Variants in GLRA2 observed in about 807,000 individuals in gnomAD.
The protein encoded by GLRA2 is glycine receptor alpha 2, also known as glycine receptor subunit alpha-2.
A neutral mutation model predicts 31.6 loss-of-function variants in GLRA2; 11 were observed. The ratio of observed to expected loss-of-function variants is 0.35; its 90% CI spans 0.22 to 0.58. The LOEUF (loss-of-function observed/expected upper bound fraction) is 0.58. Ranked by LOEUF, GLRA2 falls within the 20% of genes least tolerant of loss-of-function variation. The probability of loss-of-function intolerance (pLI) is 0.84; values close to 1 mark genes in which losing one functional copy is unlikely to be tolerated. For missense variants in GLRA2, 212 were observed against 351.8 expected, an observed-to-expected ratio of 0.60 and a Z score of 3.18; for synonymous variants, 132 against 134.0, an observed-to-expected ratio of 0.99 and a Z score of 0.10.
At chrX:14,636,313 G>A (rs2090709798) in intron 7 of GLRA2, among the ~76,000 whole-genome samples, 1 of 111,363 alleles carries the variant, frequency 9.0e-6, no homozygotes, top group Admixed American at 9.6e-5. Flanking sequence ...CTTTACAGTA[G>A]AGAAACCTGA....
rs752277224 is a variant in GLRA2 at position 14,728,072 on chromosome X, G to A, written c.1081-2135G>A. Among the ~76,000 whole-genome samples the A allele has an allele frequency of 1.2e-4, 14 of 112,321 alleles. No homozygotes were observed. The East Asian group carries it at 3.9e-3, about 31-fold the overall frequency. ...AAGTATGGAAAGATGGCTTTATAAA[G>A]TAGTAGTTTTATAGTTACTTTTTAA... On this transcript the variant is annotated intron_variant, in intron 8 of 8. Transcript: ENST00000218075.
the GLRA2 span, among the ~76,000 whole-genome samples, chrX:14,483,224 T>A: frequency 1.8e-5 from 2 of 111,828 alleles, no homozygotes; most frequent in Non-Finnish European, 3.8e-5. Flanking sequence ...AGCTCTCTCT[T>A]GTCACGCACC....
chrX:14,498,946 A>G, the GLRA2 span, among the ~76,000 whole-genome samples: 1 of 112,289 alleles, frequency 8.9e-6, no homozygotes, highest in Non-Finnish European at 1.9e-5. Context: ...ACAGGATTTC[A>G]TGCTTTTATG....
At chrX:14,721,994 T>A (rs1569527219) in intron 8 of GLRA2, among the ~76,000 whole-genome samples, 3 of 111,987 alleles carry the variant, frequency 2.7e-5, no homozygotes, top group Admixed American at 1.9e-4. Flanking sequence ...TCCAACAACC[T>A]CCTTGAGGGC....
At chrX:14,554,126 G>A (rs954516479) in intron 2 of GLRA2, among the ~76,000 whole-genome samples, 2 of 112,250 alleles carry the variant, frequency 1.8e-5, no homozygotes, top group Admixed American at 9.4e-5. Flanking sequence ...CTACGTAAGT[G>A]CTGGGAGCCT....
the GLRA2 span, among the ~76,000 whole-genome samples, chrX:14,460,514 G>A: frequency 8.9e-6 from 1 of 111,748 alleles, no homozygotes; most frequent in East Asian, 2.8e-4. Context: ...GGCTGTTTTG[G>A]TTGGTTGGCT....
At chrX:14,710,386 A>G (rs760046921) in intron 8 of GLRA2, among the ~76,000 whole-genome samples, 41 of 112,239 alleles carry the variant, frequency 3.7e-4, no homozygotes, top group Non-Finnish European at 6.9e-4. Context: ...TCAAAACAAT[A>G]TAATAAAGAC....
chrX:14,634,276 G>C (rs1422598408), intron 7 of GLRA2, among the ~76,000 whole-genome samples: 1 of 112,118 alleles, frequency 8.9e-6, no homozygotes, highest in Non-Finnish European at 1.9e-5. Flanking sequence ...TGAGGATATA[G>C]AGCCAGATCA....
chrX:14,725,090 C>A lies in GLRA2; in HGVS notation c.1081-5117C>A, dbSNP rs1300254229. ...TTATTAGCACTATAACTATAGGAAG[C>A]CACATAACTTTTCTTGGCCTCAGTT... On this transcript the variant is annotated intron_variant, in intron 8 of 8. Coordinates refer to ENST00000218075, the MANE Select transcript of GLRA2 (RefSeq NM_002063.4). Among the ~76,000 whole-genome samples, 5 of 111,754 alleles carry A rather than the reference C, an allele frequency of 4.5e-5. No homozygotes were observed. In the East Asian group the frequency reaches 8.4e-4, roughly 19 times the overall value.
chrX:14,532,821 T>C (rs934318082), intron 2 of GLRA2, among the ~76,000 whole-genome samples: 3 of 111,851 alleles, frequency 2.7e-5, no homozygotes, highest in African/African-American at 9.7e-5. Flanking sequence ...CTTTCAGGCC[T>C]CTTTAATTTT....
chrX:14,621,887 T>C (rs1018060301), intron 7 of GLRA2, among the ~76,000 whole-genome samples: 1 of 112,250 alleles, frequency 8.9e-6, no homozygotes, highest in African/African-American at 3.2e-5. Context: ...AGTAATGGGA[T>C]GGCTGGGTCA....
rs556696374 is a variant in GLRA2, at chrX:14,617,949, T to G, written c.930+8744T>G. On this transcript the variant is annotated intron_variant, in intron 7 of 8. Coordinates refer to ENST00000218075, the MANE Select transcript of GLRA2 (RefSeq NM_002063.4). ...CACCTGAACTAAATTTTTTTGAAAATAGATGAAGTTTTTATTTGGACACAA... is the reference window on the plus strand; with the variant it reads ...CACCTGAACTAAATTTTTTTGAAAAGAGATGAAGTTTTTATTTGGACACAA... Among the ~76,000 whole-genome samples the G allele has an allele frequency of 1.3e-4, 15 of 111,726 alleles. No homozygotes were observed. The South Asian group carries it at 5.5e-3, about 41-fold the overall frequency.
chrX:14,612,537 C>T lies in GLRA2; in HGVS notation c.930+3332C>T, dbSNP rs757212034. Among the ~76,000 whole-genome samples the T allele has an allele frequency of 5.4e-5, 6 of 111,059 alleles. No individual in the cohort carries two copies. In the South Asian group the frequency reaches 1.1e-3, roughly 21 times the overall value. ...GACACATGCACAGGTATGTTTATTG[C>T]GGCACTATTCACAATACCAAAGACT... On this transcript the variant is annotated intron_variant, in intron 7 of 8. Coordinates refer to ENST00000218075, the MANE Select transcript of GLRA2 (RefSeq NM_002063.4).
chrX:14,607,290 T>TTTTTC, intron 6 of GLRA2, 22 bp downstream of exon 6: 6 of 1,139,406 alleles, frequency 5.3e-6, no homozygotes, highest in Non-Finnish European at 7.1e-6. Flanking sequence ...TTTTTTTTTT[T>TTTTTC]TTCAGCTGTT....
chrX:14,661,874 G>GAAAAAAAAAAAAAAAAA (rs1182687158), intron 7 of GLRA2, among the ~76,000 whole-genome samples: 2 of 64,481 alleles, frequency 3.1e-5, no homozygotes, highest in Non-Finnish European at 5.6e-5. Context: ...CTCTGTCTCA[G>GAAAAAAAAAAAAAAAAA]AAAAAAAAAA....
At chrX:14,559,944 G>A (rs1190349296) in intron 2 of GLRA2, among the ~76,000 whole-genome samples, 2 of 111,317 alleles carry the variant, frequency 1.8e-5, no homozygotes, top group Non-Finnish European at 3.8e-5. Flanking sequence ...TCTCCCTTGT[G>A]ATCCTCCTAT....
At chrX:14,679,855 T>C (rs1476560602) in intron 7 of GLRA2, among the ~76,000 whole-genome samples, 2 of 112,201 alleles carry the variant, frequency 1.8e-5, no homozygotes, top group African/African-American at 6.5e-5. Flanking sequence ...ATCACTTATA[T>C]GTTCATGTGA....
chrX:14,729,375 A>AC (rs1036139929), intron 8 of GLRA2, among the ~76,000 whole-genome samples: 2 of 109,621 alleles, frequency 1.8e-5, no homozygotes, highest in Non-Finnish European at 3.8e-5. Context: ...CCACCGTTTG[A>AC]CCCCCTCCTT....
At chrX:14,672,571 T>TG (rs2091105194) in intron 7 of GLRA2, among the ~76,000 whole-genome samples, 1 of 63,075 alleles carries the variant, frequency 1.6e-5, no homozygotes, top group African/African-American at 5.2e-5. Flanking sequence ...GTGCTTCTGG[T>TG]TTTTTTGTTA....
Sources: gnomAD v4.1 joint callset for allele counts (sites outside exome capture counted in the v4.1 genomes callset) on GRCh38, gnomAD v4.1.1 for gene constraint, MANE v1.5 for transcripts, NCBI Gene and HGNC (gene_info 2026-07-23, HGNC 2026-07-21) for gene names.